Variants in SPARCL1 observed in about 807,000 individuals in gnomAD.
SPARCL1 encodes the protein SPARC like 1.
Under a neutral mutation model 67.1 loss-of-function variants are expected in SPARCL1, and 52 were observed. The ratio of observed to expected loss-of-function variants is 0.78; its 90% CI spans 0.62 to 0.98. The LOEUF (loss-of-function observed/expected upper bound fraction) is 0.98. Ranked by LOEUF, SPARCL1 falls within the 50% of genes least tolerant of loss-of-function variation. The pLI is 0.00. For synonymous variants in SPARCL1, 226 were observed against 267.8 expected, an observed-to-expected ratio of 0.84 and a Z score of 1.52; for missense variants, 717 against 782.4, an observed-to-expected ratio of 0.92 and a Z score of 1.00.
intron 1 of SPARCL1, chr4:87,505,000 T>G (rs1007802202): frequency 2.6e-5 from 4 of 151,872 alleles, no homozygotes; most frequent in Admixed American, 2.6e-4. Flanking sequence ...TGGAGCAACC[T>G]CCCCCCGCTG....
chr4:87,506,239 A>T (rs530592348), intron 1 of SPARCL1, among the ~76,000 whole-genome samples: 13 of 152,324 alleles, frequency 8.5e-5, no homozygotes, highest in African/African-American at 3.1e-4. Flanking sequence ...CATCTATATG[A>T]TCTTTGGCAA....
Position 87,494,011 on chromosome 4 carries a change from C to T in SPARCL1, c.789G>A (p.Gln263=), listed in dbSNP as rs760496318. 1.1e-5 allele frequency: 17 copies of T among 1,614,116 alleles called. No individual in the cohort carries two copies. The East Asian group carries it at 2.7e-4, about 25-fold the overall frequency. ...VSKMQEDEFD[Q]GNQEQEDNSN... ...AGTTATCTTCTTGTTCTTGGTTACC[C>T]TGATCAAATTCATCCTCCTGCATCT... The change falls in exon 4 of 11, where the codon CAG becomes CAA. Residue 263 remains glutamine, a synonymous_variant. Transcript: ENST00000282470.
chr4:87,509,397 C>T (rs761569435), intron 1 of SPARCL1, among the ~76,000 whole-genome samples: 10 of 152,182 alleles, frequency 6.6e-5, no homozygotes, highest in Non-Finnish European at 1.3e-4. Context: ...ATATTTAACA[C>T]TTCTGTTTGA....
Position 87,494,125 on chromosome 4 carries a change from G to A in SPARCL1, c.675C>T (p.Pro225=), listed in dbSNP as rs1405449079. 1.2e-6 allele frequency: 2 copies of A among 1,613,558 alleles called. No homozygotes were observed. Among genetic ancestry groups the A allele is most frequent in the Non-Finnish European group, 1.7e-6 (2 of 1,179,980 alleles). ...NDNQERKTEL[P]REHANSKQEE... is the part of the protein sequence containing the mutation. ...CCTGCTTGCTGTTAGCATGCTCCCT[G>A]GGCAATTCTGTCTTTCTTTCTTGGT... is the stretch of plus-strand genomic sequence containing the variant. The change falls in exon 4 of 11, where the codon CCC becomes CCT. Residue 225 remains proline (P), a synonymous_variant. Coordinates refer to ENST00000282470, the MANE Select transcript of SPARCL1 (RefSeq NM_004684.6).
At chr4:87,509,905 C>T (rs145882805) in intron 1 of SPARCL1, among the ~76,000 whole-genome samples, 59 of 152,222 alleles carry the variant, frequency 3.9e-4, no homozygotes, top group African/African-American at 1.4e-3. Flanking sequence ...CTGTGAGAGA[C>T]AATTGTAACA....
intron 7 of SPARCL1, among the ~76,000 whole-genome samples, chr4:87,489,274 G>A (rs1005063912): frequency 4.6e-5 from 7 of 152,202 alleles, no homozygotes; most frequent in African/African-American, 7.2e-5. Flanking sequence ...TGGGAAAAGC[G>A]TAGTATCTGG....
chr4:87,520,643 A>G (rs1050939152), intron 1 of SPARCL1, among the ~76,000 whole-genome samples: 1 of 152,194 alleles, frequency 6.6e-6, no homozygotes, highest in Non-Finnish European at 1.5e-5. Context: ...TTTTGTATCA[A>G]AAAGATTGGC....
chr4:87,485,796 G>C (rs1578096975), intron 7 of SPARCL1, among the ~76,000 whole-genome samples: 1 of 152,206 alleles, frequency 6.6e-6, no homozygotes, highest in South Asian at 2.1e-4. Flanking sequence ...AGTCTTGGGA[G>C]GGTATATGTG....
At chr4:87,510,019 A>G (rs1287737639) in intron 1 of SPARCL1, among the ~76,000 whole-genome samples, 1 of 152,250 alleles carries the variant, frequency 6.6e-6, no homozygotes, top group Admixed American at 6.5e-5. Flanking sequence ...TGTTTGTTAC[A>G]TTTCAAGACT....
In SPARCL1 at chr4:87,473,607, G is replaced by A. The variant is rs1225038759; in HGVS notation, c.*168C>T. 5.4e-6 allele frequency: 2 copies of A among 373,750 alleles called. No individual in the cohort carries two copies. Among genetic ancestry groups the A allele is most frequent in the Non-Finnish European group, 9.8e-6 (2 of 204,382 alleles). 23.2% of individuals were successfully genotyped at this position (373,750 alleles called of 1,614,324 possible). On this transcript the variant is annotated 3_prime_UTR_variant, in exon 11 of 11. Transcript: ENST00000282470. ...GTACATTTTTGTTTCCAAAGTTAAT[G>A]TTAAATACCTGGTGCATAGGTTGTT...
At position 87,473,771 on chromosome 4, in the gene SPARCL1, T is replaced by G. The variant is rs764004390; in HGVS notation, c.*4A>C. 1 of 1,607,840 alleles carries G rather than the reference T, an allele frequency of 6.2e-7. No individual in the cohort carries two copies. Among genetic ancestry groups the G allele is most frequent in the African/African-American group, 1.3e-5 (1 of 74,774 alleles). ...TGGAAAGTTGAGTTCTTTAAAATCT[T>G]CGTTCAAAACAAGAGATTTTCATCT... On this transcript the variant is annotated 3_prime_UTR_variant, in exon 11 of 11. Coordinates refer to ENST00000282470, the MANE Select transcript of SPARCL1 (RefSeq NM_004684.6).
At chr4:87,491,962 A>T (rs1724365656) in intron 4 of SPARCL1, among the ~76,000 whole-genome samples, 1 of 140,090 alleles carries the variant, frequency 7.1e-6, no homozygotes, top group Admixed American at 7.3e-5. Flanking sequence ...CCCCAAAAAA[A>T]AAAAAATTAG....
At chr4:87,485,735 A>G (rs1485318898) in intron 7 of SPARCL1, among the ~76,000 whole-genome samples, 1 of 152,060 alleles carries the variant, frequency 6.6e-6, no homozygotes, top group Non-Finnish European at 1.5e-5. Context: ...TACTGCCTCA[A>G]TTTCAGAACT....
At chr4:87,520,368 C>G (rs1157155511) in intron 1 of SPARCL1, among the ~76,000 whole-genome samples, 1 of 151,430 alleles carries the variant, frequency 6.6e-6, no homozygotes, top group East Asian at 1.9e-4. Flanking sequence ...AGTCATCTTG[C>G]CGGAAAAAAA....
At chr4:87,524,304 T>C (rs921863468) in intron 1 of SPARCL1, among the ~76,000 whole-genome samples, 20 of 152,216 alleles carry the variant, frequency 1.3e-4, no homozygotes, top group Non-Finnish European at 2.4e-4. Flanking sequence ...CTATTCATTA[T>C]ATTTGACTCA....
chr4:87,517,809 G>A (rs182345840), intron 1 of SPARCL1, among the ~76,000 whole-genome samples: 1 of 152,146 alleles, frequency 6.6e-6, no homozygotes, highest in Non-Finnish European at 1.5e-5. Context: ...TTATTGGGGG[G>A]TAGTTCTCTT....
Position 87,495,814 on chromosome 4 carries a change from G to A in SPARCL1, c.55-687C>T, listed in dbSNP as rs188413562. 2.5e-3 allele frequency among the ~76,000 whole-genome samples: 379 copies of A among 152,072 alleles called. 2 individuals are homozygous for A. The highest frequency in any genetic ancestry group is 0.018 in the South Asian group (89 of 4,816). ...GGTGTGGTGGTGGGTGCCTGTAATC[G>A]CAGCTACTCGGGAGGCTGAGGCAGG... On this transcript the variant is annotated intron_variant, in intron 2 of 10. Coordinates refer to ENST00000282470, the MANE Select transcript of SPARCL1 (RefSeq NM_004684.6).
intron 1 of SPARCL1, among the ~76,000 whole-genome samples, chr4:87,509,807 G>A (rs1725270789): frequency 6.6e-6 from 1 of 152,230 alleles, no homozygotes; most frequent in African/African-American, 2.4e-5. Context: ...GTATGTCTGT[G>A]TGTGTGCACA....
intron 2 of SPARCL1, among the ~76,000 whole-genome samples, chr4:87,499,050 T>G (rs1724739256): frequency 6.6e-6 from 1 of 152,004 alleles, no homozygotes; most frequent in Non-Finnish European, 1.5e-5. Flanking sequence ...AATTTTTGTA[T>G]TTTTTAGTAG....
Sources: allele counts gnomAD v4.1 joint callset (sites outside exome capture counted in the v4.1 genomes callset), GRCh38; gene constraint gnomAD v4.1.1; transcripts MANE v1.5; gene names NCBI Gene and HGNC (gene_info 2026-07-23, HGNC 2026-07-21).